USP7: variants seen among roughly 807,000 people sequenced by gnomAD.
USP7 encodes ubiquitin specific peptidase 7.
USP7 carries 9 observed loss-of-function variants against 162.9 expected under a neutral mutation model. That is an observed-to-expected ratio of 0.06 (90% CI 0.03 to 0.10). The LOEUF (loss-of-function observed/expected upper bound fraction) is 0.10. Among genes scored for constraint, USP7 ranks in the 10% least tolerant of loss-of-function variants. The probability of loss-of-function intolerance (pLI) is 1.00; values close to 1 mark genes in which losing one functional copy is unlikely to be tolerated. For synonymous variants in USP7, 562 were observed against 475.9 expected, an observed-to-expected ratio of 1.18 and a Z score of -2.35; for missense variants, 715 against 1,373.7, an observed-to-expected ratio of 0.52 and a Z score of 7.58.
intron 22 of USP7, 128 bp from the exon 23 acceptor site, chr16:8,899,316 G>A (rs1157990917): frequency 1.1e-6 from 1 of 901,852 alleles, no homozygotes; most frequent in East Asian, 2.6e-5. Context: ...TTATTAAACA[G>A]GAATAAACTA....
At chr16:8,898,058 A>C (rs979194998) in intron 25 of USP7, among the ~76,000 whole-genome samples, 2 of 152,102 alleles carry the variant, frequency 1.3e-5, no homozygotes, top group Admixed American at 1.3e-4. Flanking sequence ...CCGCGGCAGG[A>C]AGAGCTGGAG....
chr16:8,934,581 C>T (rs904756106), intron 1 of USP7, among the ~76,000 whole-genome samples: 11 of 152,234 alleles, frequency 7.2e-5, no homozygotes, highest in Non-Finnish European at 1.6e-4. Flanking sequence ...GAAGTTAGGG[C>T]TTCTCTGCAG....
At chr16:8,898,300 G>C in intron 25 of USP7, 60 bp downstream of exon 25, 2 of 1,346,202 alleles carry the variant, frequency 1.5e-6, no homozygotes, top group Non-Finnish European at 2.1e-6. Context: ...TCTGGGGACA[G>C]GTAGAAACAA....
In USP7 at chr16:8,893,814, T is replaced by G. The variant is rs565972268; in HGVS notation, c.*184A>C. ...AAGCTTTATAAAAACATCTTCATTT[T>G]GCTCAAAAAGGGCAGTCAATAGATA... is the stretch of plus-strand genomic sequence containing the variant. On this transcript the variant is annotated 3_prime_UTR_variant, in exon 31 of 31. Transcript: ENST00000344836. 8.5e-6 allele frequency: 5 copies of G among 585,494 alleles called. No individual in the cohort carries two copies. In the East Asian group the frequency reaches 1.4e-4, roughly 17 times the overall value. The allele number at this position is 585,494 out of a possible 1,614,324, so 36.3% of individuals were successfully genotyped here. A position where few individuals can be genotyped will look rare whatever the true frequency, so the allele number is the denominator to read the frequency against.
chr16:8,946,607 A>G (rs1899294775), intron 1 of USP7, among the ~76,000 whole-genome samples: 1 of 152,240 alleles, frequency 6.6e-6, no homozygotes, highest in Non-Finnish European at 1.5e-5. Context: ...AACTCAACTA[A>G]AAAGTCAGAA....
rs1321646714 is a variant in USP7, at chr16:8,908,517, C to G, written c.1162-67G>C. 3.6e-6 allele frequency: 5 copies of G among 1,371,740 alleles called. No individual in the cohort carries two copies. In the Admixed American group the frequency reaches 1.0e-4, roughly 28 times the overall value. 85.0% of individuals were successfully genotyped at this position (1,371,740 alleles called of 1,614,324 possible). A position where few individuals can be genotyped will look rare whatever the true frequency, so the allele number is the denominator to read the frequency against. On this transcript the variant is annotated intron_variant, in intron 11 of 30. Coordinates refer to ENST00000344836, the MANE Select transcript of USP7 (RefSeq NM_003470.3). ...TTACTCCTGGAAGCAATGAAAGCAA[C>G]AGCGGTTCAGCAAGATTGGAACATG...
At chr16:8,939,654 A>G (rs1442049456) in intron 1 of USP7, among the ~76,000 whole-genome samples, 4 of 152,254 alleles carry the variant, frequency 2.6e-5, no homozygotes, top group Non-Finnish European at 1.5e-5. Flanking sequence ...TTTCACCTCC[A>G]GGCATTCTCA....
At chr16:8,961,636 C>A (rs1036403830) in intron 1 of USP7, among the ~76,000 whole-genome samples, 8 of 151,826 alleles carry the variant, frequency 5.3e-5, no homozygotes, top group Admixed American at 2.0e-4. Flanking sequence ...ACCTGGAAAG[C>A]GGTAGGACAA....
intron 6 of USP7, 113 bp from the exon 7 acceptor site, chr16:8,917,269 C>A (rs1457351003): frequency 2.3e-6 from 3 of 1,304,648 alleles, no homozygotes; most frequent in African/African-American, 3.0e-5. Flanking sequence ...AACACAATGG[C>A]TAAGGTTGTT....
chr16:8,905,159 G>T (rs370416755), intron 14 of USP7, 28 bp downstream of exon 14: 2 of 1,607,536 alleles, frequency 1.2e-6, no homozygotes, highest in Non-Finnish European at 1.7e-6. Context: ...CCACAGTAAA[G>T]AACAGAACAA....
At chr16:8,936,683 G>C in intron 1 of USP7, 5 of 1,513,776 alleles carry the variant, frequency 3.3e-6, no homozygotes, top group Non-Finnish European at 4.4e-6. Context: ...CAGAGTGACT[G>C]CATAGAATCT....
chr16:8,930,476 T>C, intron 1 of USP7, 79 bp from the exon 2 acceptor site: 3 of 993,976 alleles, frequency 3.0e-6, no homozygotes, highest in South Asian at 3.7e-5. Flanking sequence ...ACTTATACTT[T>C]TGATGTTGCC....
rs902341490 is a variant in USP7, at chr16:8,893,558, G to A, written c.*440C>T. On this transcript the variant is annotated 3_prime_UTR_variant, in exon 31 of 31. Coordinates refer to ENST00000344836, the MANE Select transcript of USP7 (RefSeq NM_003470.3). ...TTTTGCCTTAACAGATGCACAAAAG[G>A]TCATTGAAAGTATAACTGAAGGAAA... 2 of 166,028 alleles carry A rather than the reference G, an allele frequency of 1.2e-5. No individual in the cohort carries two copies. Among genetic ancestry groups the A allele is most frequent in the African/African-American group, 2.4e-5 (1 of 41,922 alleles). The allele number at this position is 166,028 out of a possible 1,614,324, so 10.3% of individuals were successfully genotyped here. A position where few individuals can be genotyped will look rare whatever the true frequency, so the allele number is the denominator to read the frequency against.
intron 1 of USP7, among the ~76,000 whole-genome samples, chr16:8,954,510 A>T (rs1899700770): frequency 6.6e-6 from 1 of 152,208 alleles, no homozygotes; most frequent in Non-Finnish European, 1.5e-5. Context: ...TTACCCTGTT[A>T]ACCGTAACTC....
At chr16:8,913,697 G>A (rs377600131) in intron 10 of USP7, among the ~76,000 whole-genome samples, 3 of 152,150 alleles carry the variant, frequency 2.0e-5, no homozygotes, top group African/African-American at 7.2e-5. Flanking sequence ...GAGGAGCATT[G>A]CAAGCTGTAA....
intron 1 of USP7, among the ~76,000 whole-genome samples, chr16:8,937,783 C>G (rs1303890541): frequency 6.6e-6 from 1 of 152,150 alleles, no homozygotes; most frequent in Non-Finnish European, 1.5e-5. Flanking sequence ...GACAAAAAAG[C>G]AGTTTGGGAG....
intron 25 of USP7, chr16:8,897,384 G>A (rs942364210): frequency 2.6e-6 from 1 of 378,866 alleles, no homozygotes; most frequent in South Asian, 3.7e-5. Flanking sequence ...ATGGTCCCGA[G>A]GGGTCACCCA....
chr16:8,948,985 C>A (rs1386514830), intron 1 of USP7, among the ~76,000 whole-genome samples: 1 of 152,014 alleles, frequency 6.6e-6, no homozygotes, highest in Non-Finnish European at 1.5e-5. Context: ...AAAGCTTACA[C>A]AGTCTATGAA....
chr16:8,943,128 TATAATA>T (rs1899124548), intron 1 of USP7, among the ~76,000 whole-genome samples: 1 of 152,124 alleles, frequency 6.6e-6, no homozygotes, highest in Non-Finnish European at 1.5e-5. Flanking sequence ...GAAGGCCACA[TATAATA>T]TGTGATCCTT....
Sources: allele counts gnomAD v4.1 joint callset (sites outside exome capture counted in the v4.1 genomes callset), GRCh38; gene constraint gnomAD v4.1.1; transcripts MANE v1.5; gene names NCBI Gene and HGNC (gene_info 2026-07-23, HGNC 2026-07-21).